ARHGAP10: variants seen among roughly 807,000 people sequenced by gnomAD.
ARHGAP10 encodes rho GTPase-activating protein 10.
A neutral mutation model predicts 108.6 loss-of-function variants in ARHGAP10; 87 were observed. The observed-to-expected ratio is 0.80, with a 90% CI of 0.67 to 0.96. The LOEUF (loss-of-function observed/expected upper bound fraction) is 0.96. Among genes scored for constraint, ARHGAP10 ranks in the 40% least tolerant of loss-of-function variants. The pLI, the probability that ARHGAP10 is intolerant of heterozygous loss-of-function variation, is 0.00. For synonymous variants in ARHGAP10, 347 were observed against 341.1 expected (o/e 1.02, Z -0.19); for missense variants, 939 against 954.5 (o/e 0.98, Z 0.21).
chr4:147,805,554 T>C (rs1731748132), intron 1 of ARHGAP10, among the ~76,000 whole-genome samples: 1 of 152,222 alleles, frequency 6.6e-6, no homozygotes, highest in African/African-American at 2.4e-5. Flanking sequence ...TGTAAATTGC[T>C]TTGGGCAATA....
chr4:147,771,836 G>A (rs1730095516), intron 1 of ARHGAP10, among the ~76,000 whole-genome samples: 1 of 152,080 alleles, frequency 6.6e-6, no homozygotes, highest in Non-Finnish European at 1.5e-5. Context: ...CTTGTCACCA[G>A]GCTGTAGTGC....
intron 18 of ARHGAP10, among the ~76,000 whole-genome samples, chr4:147,989,907 G>A (rs954949596): frequency 3.3e-5 from 5 of 152,190 alleles, no homozygotes; most frequent in Admixed American, 3.3e-4. Context: ...TACAATTTAT[G>A]TTTAGAGATT....
intron 4 of ARHGAP10, among the ~76,000 whole-genome samples, chr4:147,855,722 G>T (rs1734059868): frequency 1.4e-5 from 2 of 143,832 alleles, no homozygotes; most frequent in African/African-American, 2.6e-5. Context: ...GCAGCTAGTT[G>T]GTAATTAACC....
chr4:147,912,534 C>A (rs1469496689), intron 12 of ARHGAP10, among the ~76,000 whole-genome samples: 10 of 96,592 alleles, frequency 1.0e-4, no homozygotes, highest in African/African-American at 4.1e-4. Context: ...AAACAAAAAA[C>A]AAACAAACAA....
At chr4:147,739,468 C>G (rs1728563350) in intron 1 of ARHGAP10, among the ~76,000 whole-genome samples, 1 of 152,162 alleles carries the variant, frequency 6.6e-6, no homozygotes, top group Non-Finnish European at 1.5e-5. Context: ...TCAAATACTT[C>G]AAATTACAGA....
chr4:147,794,817 A>G (rs75588995), intron 1 of ARHGAP10, among the ~76,000 whole-genome samples: 1,623 of 152,250 alleles, frequency 0.011, 26 homozygotes, highest in African/African-American at 0.037. Context: ...GTTTTTTGAA[A>G]CATGATTTTA....
chr4:147,801,952 A>G (rs569927820), intron 1 of ARHGAP10, among the ~76,000 whole-genome samples: 2 of 152,284 alleles, frequency 1.3e-5, no homozygotes, highest in South Asian at 2.1e-4. Flanking sequence ...AACTCTTTGG[A>G]TGTCTGGGAT....
chr4:147,974,244 C>G (rs1191492464), intron 18 of ARHGAP10, among the ~76,000 whole-genome samples: 1 of 152,074 alleles, frequency 6.6e-6, no homozygotes, highest in Admixed American at 6.5e-5. Flanking sequence ...GATGACATCT[C>G]ATTGTAGTTT....
chr4:147,860,178 C>T (rs1475733874), intron 5 of ARHGAP10, among the ~76,000 whole-genome samples: 1 of 152,254 alleles, frequency 6.6e-6, no homozygotes, highest in Non-Finnish European at 1.5e-5. Flanking sequence ...CGTGGTGGCT[C>T]ACGCCTGTAA....
At chr4:147,925,714 C>G (rs1237535637) in intron 13 of ARHGAP10, among the ~76,000 whole-genome samples, 1 of 152,150 alleles carries the variant, frequency 6.6e-6, no homozygotes, top group African/African-American at 2.4e-5. Context: ...ACCAGTTATC[C>G]TGCATAGTTC....
rs550627808 is a variant in ARHGAP10 at position 147,868,917 on chromosome 4, C to T, written c.702+2101C>T. Among the ~76,000 whole-genome samples the T allele has an allele frequency of 8.0e-4, 121 of 152,200 alleles. 2 individuals carry two copies. In the South Asian group the frequency reaches 0.022, roughly 28 times the overall value. ...TAACAGGCCATGGACCGGTACCTGT[C>T]GGCAGCCTGGGGGTTGGGGACCCCT... On this transcript the variant is annotated intron_variant, in intron 7 of 22. Coordinates refer to ENST00000336498, the MANE Select transcript of ARHGAP10 (RefSeq NM_024605.4).
intron 14 of ARHGAP10, among the ~76,000 whole-genome samples, chr4:147,942,821 C>T (rs1478966354): frequency 6.6e-6 from 1 of 152,266 alleles, no homozygotes; most frequent in Non-Finnish European, 1.5e-5. Context: ...CCTAAGGCAG[C>T]TATCCGCTGG....
At chr4:147,873,920 G>A (rs1004866905) in intron 7 of ARHGAP10, among the ~76,000 whole-genome samples, 2 of 151,306 alleles carry the variant, frequency 1.3e-5, no homozygotes, top group Non-Finnish European at 2.9e-5. Context: ...AGAAATGGAA[G>A]GCGAGAGGGA....
chr4:147,849,245 T>G (rs1733761121), intron 4 of ARHGAP10, among the ~76,000 whole-genome samples: 1 of 152,126 alleles, frequency 6.6e-6, no homozygotes, highest in Non-Finnish European at 1.5e-5. Flanking sequence ...GCTTTTTTTT[T>G]TTTTTTTAAA....
chr4:147,788,296 A>T (rs1001196610), intron 1 of ARHGAP10, among the ~76,000 whole-genome samples: 1 of 152,002 alleles, frequency 6.6e-6, no homozygotes, highest in East Asian at 1.9e-4. Flanking sequence ...AATAAAAAAA[A>T]ATTAGCCAGG....
intron 1 of ARHGAP10, among the ~76,000 whole-genome samples, chr4:147,743,707 G>A (rs899644064): frequency 6.6e-6 from 1 of 152,194 alleles, no homozygotes; most frequent in Non-Finnish European, 1.5e-5. Context: ...AATCCGGGAG[G>A]CAGAGGTTGC....
chr4:148,017,371 C>A (rs537881687), intron 18 of ARHGAP10, among the ~76,000 whole-genome samples: 1 of 152,174 alleles, frequency 6.6e-6, no homozygotes, highest in South Asian at 2.1e-4. Context: ...AACATCAAAT[C>A]ATTATACATC....
rs374918450 is a variant in ARHGAP10, at chr4:147,864,972, T to C, written c.597+16T>C. 5.6e-6 allele frequency: 9 copies of C among 1,600,144 alleles called. No homozygotes were observed. Among genetic ancestry groups the C allele is most frequent in the Non-Finnish European group, 7.7e-6 (9 of 1,169,096 alleles). On this transcript the variant is annotated intron_variant, in intron 6 of 22. Transcript: ENST00000336498. Reference sequence around the variant, plus strand: ...TGTGGAACCTGTGAGTATTGCCAAGTTGTTTGCTGGTGGATTTTTGCAATG... The same window carrying C: ...TGTGGAACCTGTGAGTATTGCCAAGCTGTTTGCTGGTGGATTTTTGCAATG...
chr4:147,755,205 T>C (rs1029909844), intron 1 of ARHGAP10, among the ~76,000 whole-genome samples: 1 of 152,240 alleles, frequency 6.6e-6, no homozygotes, highest in African/African-American at 2.4e-5. Flanking sequence ...GTTTTTGTTA[T>C]TTTAAGAACA....
Sources: allele counts gnomAD v4.1 joint callset (sites outside exome capture counted in the v4.1 genomes callset), GRCh38; gene constraint gnomAD v4.1.1; transcripts MANE v1.5; gene names NCBI Gene and HGNC (gene_info 2026-07-23, HGNC 2026-07-21).